Variants in ARHGAP24 observed in about 807,000 individuals in gnomAD.
The protein encoded by ARHGAP24 is rho GTPase-activating protein 24.
A neutral mutation model predicts 76.4 loss-of-function variants in ARHGAP24; 50 were observed. That is an observed-to-expected ratio of 0.65 (90% CI 0.52 to 0.83). The LOEUF is 0.83. Among genes scored for constraint, ARHGAP24 ranks in the 40% least tolerant of loss-of-function variants. The pLI is 0.00. For missense variants in ARHGAP24, 930 were observed against 914.2 expected (o/e 1.02, Z -0.22); for synonymous variants, 345 against 323.3 (o/e 1.07, Z -0.72).
chr4:85,741,735 T>C (rs952276157), intron 3 of ARHGAP24, among the ~76,000 whole-genome samples: 2 of 152,194 alleles, frequency 1.3e-5, no homozygotes, highest in African/African-American at 4.8e-5. Context: ...CCTAGTGATA[T>C]TTTAGTGCAT....
chr4:85,549,728 C>T (rs1453139850), intron 1 of ARHGAP24, among the ~76,000 whole-genome samples: 3 of 152,094 alleles, frequency 2.0e-5, no homozygotes, highest in Non-Finnish European at 2.9e-5. Context: ...CACAGTGCTC[C>T]ACAGGTAGTT....
intron 3 of ARHGAP24, among the ~76,000 whole-genome samples, chr4:85,894,983 A>C (rs1358440719): frequency 1.4e-4 from 3 of 21,338 alleles, no homozygotes; most frequent in Non-Finnish European, 2.2e-4. Context: ...AAAAAAAAAA[A>C]AAAAACAAAA....
intron 2 of ARHGAP24, among the ~76,000 whole-genome samples, chr4:85,672,684 G>A (rs567866662): frequency 6.6e-6 from 1 of 152,182 alleles, no homozygotes. Context: ...GAAGCTGGTT[G>A]TGTGGATTTC....
At chr4:85,920,599 C>G (rs1735666312) in intron 3 of ARHGAP24, among the ~76,000 whole-genome samples, 1 of 152,096 alleles carries the variant, frequency 6.6e-6, no homozygotes, top group Non-Finnish European at 1.5e-5. Flanking sequence ...AGACAGCCTA[C>G]AGAATGGGAG....
chr4:85,967,012 A>G (rs1738662579), intron 5 of ARHGAP24, among the ~76,000 whole-genome samples: 1 of 152,066 alleles, frequency 6.6e-6, no homozygotes, highest in Non-Finnish European at 1.5e-5. Flanking sequence ...TTATGGTGGC[A>G]TTTGGATTTA....
intron 2 of ARHGAP24, among the ~76,000 whole-genome samples, chr4:85,620,789 A>C (rs549310654): frequency 6.6e-6 from 1 of 151,358 alleles, no homozygotes; most frequent in Non-Finnish European, 1.5e-5. Context: ...TTTTATTTTT[A>C]AGTTTTAGAT....
chr4:85,573,189 A>G (rs1727210364), intron 2 of ARHGAP24, among the ~76,000 whole-genome samples: 2 of 151,914 alleles, frequency 1.3e-5, no homozygotes, highest in South Asian at 4.1e-4. Flanking sequence ...GGGAGAAATA[A>G]CTTTGAATTT....
chr4:85,533,727 A>G (rs1284730569), intron 1 of ARHGAP24, among the ~76,000 whole-genome samples: 2 of 152,170 alleles, frequency 1.3e-5, no homozygotes, highest in Admixed American at 1.3e-4. Context: ...TCACTAACAT[A>G]ATTTTGTTAT....
chr4:85,758,596 C>A (rs1371233953), intron 3 of ARHGAP24, among the ~76,000 whole-genome samples: 2 of 152,134 alleles, frequency 1.3e-5, no homozygotes, highest in Non-Finnish European at 2.9e-5. Context: ...CAGTTTTATG[C>A]TTTTAAAAGA....
Position 85,513,506 on chromosome 4 carries a change from C to A in ARHGAP24, c.-21+37947C>A, listed in dbSNP as rs539470999. ...TTTTCTTTGTGTGTAATTTTCAATTCTCCTGTGTCCAGTTGCCTAAACACT... is the reference window on the plus strand; with the variant it reads ...TTTTCTTTGTGTGTAATTTTCAATTATCCTGTGTCCAGTTGCCTAAACACT... On this transcript the variant is annotated intron_variant, in intron 1 of 9. Coordinates refer to ENST00000395184, the MANE Select transcript of ARHGAP24 (RefSeq NM_001025616.3). 3.9e-5 allele frequency among the ~76,000 whole-genome samples: 6 copies of A among 152,126 alleles called. No individual in the cohort carries two copies. The East Asian group carries it at 1.2e-3, about 29-fold the overall frequency.
intron 5 of ARHGAP24, among the ~76,000 whole-genome samples, chr4:85,969,954 A>T (rs79078728): frequency 0.031 from 4,649 of 152,292 alleles, 272 homozygotes; most frequent in African/African-American, 0.11. Context: ...AAAGAAAAAC[A>T]TATATTTATT....
intron 1 of ARHGAP24, among the ~76,000 whole-genome samples, chr4:85,536,936 A>C (rs1725492213): frequency 6.6e-6 from 1 of 152,164 alleles, no homozygotes; most frequent in Non-Finnish European, 1.5e-5. Flanking sequence ...ATTCAAAGGC[A>C]CAACAATTTA....
intron 2 of ARHGAP24, among the ~76,000 whole-genome samples, chr4:85,691,019 A>G (rs551310284): frequency 7.2e-5 from 11 of 152,200 alleles, no homozygotes; most frequent in African/African-American, 2.6e-4. Context: ...CTTTCATCGC[A>G]TCCCAGAGAT....
intron 3 of ARHGAP24, among the ~76,000 whole-genome samples, chr4:85,885,533 A>G (rs1290919493): frequency 6.6e-6 from 1 of 152,064 alleles, no homozygotes; most frequent in African/African-American, 2.4e-5. Flanking sequence ...AAGGTTATTA[A>G]GTGTCTCTGA....
At chr4:85,631,580 A>G (rs554723939) in intron 2 of ARHGAP24, among the ~76,000 whole-genome samples, 1 of 152,266 alleles carries the variant, frequency 6.6e-6, no homozygotes, top group African/African-American at 2.4e-5. Context: ...AAATTATACA[A>G]CCGTAATCCC....
chr4:85,959,318 G>A (rs969540095), intron 5 of ARHGAP24, among the ~76,000 whole-genome samples: 10 of 152,136 alleles, frequency 6.6e-5, no homozygotes, highest in African/African-American at 2.2e-4. Context: ...AGGGGGTTTG[G>A]TTGGCCTCTT....
chr4:85,627,591 C>T (rs1721007678), intron 2 of ARHGAP24, among the ~76,000 whole-genome samples: 1 of 152,194 alleles, frequency 6.6e-6, no homozygotes, highest in Non-Finnish European at 1.5e-5. Flanking sequence ...CCACTACTCT[C>T]TTCAAAGCTG....
At chr4:85,781,697 A>G (rs1305764727) in intron 3 of ARHGAP24, among the ~76,000 whole-genome samples, 3 of 152,124 alleles carry the variant, frequency 2.0e-5, no homozygotes, top group East Asian at 1.9e-4. Flanking sequence ...TTTGTCTGCA[A>G]TAATGAATTT....
At chr4:85,939,498 T>A (rs753413063) in intron 4 of ARHGAP24, among the ~76,000 whole-genome samples, 57 of 152,306 alleles carry the variant, frequency 3.7e-4, no homozygotes, top group Admixed American at 4.6e-4. Context: ...TGATAGTTAC[T>A]TTATGTGTTT....
Sources: allele counts gnomAD v4.1 joint callset (sites outside exome capture counted in the v4.1 genomes callset), GRCh38; gene constraint gnomAD v4.1.1; transcripts MANE v1.5; gene names NCBI Gene and HGNC (gene_info 2026-07-23, HGNC 2026-07-21).